Variants in ERMARD observed in about 807,000 individuals in gnomAD.
ERMARD encodes endoplasmic reticulum membrane-associated RNA degradation protein.
In ERMARD, 71 loss-of-function variants were observed where a neutral mutation model predicts 83.9. The ratio of observed to expected loss-of-function variants is 0.85; its 90% CI spans 0.70 to 1.03. ERMARD has a LOEUF of 1.03. Ranked by LOEUF, ERMARD falls within the 50% of genes least tolerant of loss-of-function variation. The probability of loss-of-function intolerance (pLI) is 0.00; values close to 1 mark genes in which losing one functional copy is unlikely to be tolerated. For missense variants in ERMARD, 838 were observed against 810.9 expected (o/e 1.03, Z -0.41); for synonymous variants, 284 against 298.6 (o/e 0.95, Z 0.50).
chr6:169,769,865 G>A, intron 12 of ERMARD, 152 bp downstream of exon 12: 1 of 642,784 alleles, frequency 1.6e-6, no homozygotes, highest in Non-Finnish European at 2.5e-6. Flanking sequence ...TGGATTACAT[G>A]TATGTTTATA....
At position 169,759,984 on chromosome 6, in the gene ERMARD, A is replaced by C; in HGVS notation, c.742+10A>C. ...TTGATTGTTTTTCCTGGTAAGTACT[A>C]TGTTTCACATTTTTCCTTATAGCTT... On this transcript the variant is annotated intron_variant, in intron 7 of 17. Transcript: ENST00000366773. 1 of 1,614,064 alleles carries C rather than the reference A, an allele frequency of 6.2e-7. No homozygotes were observed. Among genetic ancestry groups the C allele is most frequent in the Non-Finnish European group, 8.5e-7 (1 of 1,179,994 alleles).
chr6:169,753,975 C>G lies in ERMARD; in HGVS notation c.118C>G (p.Gln40Glu). ...TTGTGATATCAATAGCATTGTAACT[C>G]AGAATGGTGAAGTATGCTGGAAAAC... ...ENCDINSIVT[Q>E]NGEVCWKTIT... The change falls in exon 2 of 18, where the codon CAG becomes GAG. Residue 40 changes from glutamine to glutamate, a missense_variant. Coordinates refer to ENST00000366773, the MANE Select transcript of ERMARD (RefSeq NM_018341.3). 5.0e-6 allele frequency: 8 copies of G among 1,613,464 alleles called. No homozygotes were observed. The highest frequency in any genetic ancestry group is 6.8e-6 in the Non-Finnish European group (8 of 1,179,610).
chr6:169,760,686 A>C lies in ERMARD; in HGVS notation c.787A>C (p.Lys263Gln). The change falls in exon 8 of 18, where the codon AAA becomes CAA. Residue 263 changes from lysine to glutamine, a missense_variant. Coordinates refer to ENST00000366773, the MANE Select transcript of ERMARD (RefSeq NM_018341.3). ...VLSVLEEVMMKSAFILKIMLP... is the reference protein window; with the variant it reads ...VLSVLEEVMMQSAFILKIMLP... ...TTCAGTATTAGAAGAAGTGATGATG[A>C]AATCTGCTTTTATATTAAAAATCAT... 1.2e-6 allele frequency: 2 copies of C among 1,613,950 alleles called. No homozygotes were observed. The highest frequency in any genetic ancestry group is 1.7e-6 in the Non-Finnish European group (2 of 1,179,854).
Position 169,776,009 on chromosome 6 carries a change from C to A in ERMARD, c.1464C>A (p.His488Gln). The A allele has an allele frequency of 6.2e-7, 1 of 1,614,224 alleles. No homozygotes were observed. Among genetic ancestry groups the A allele is most frequent in the South Asian group, 1.1e-5 (1 of 91,078 alleles). Residue 488 changes from histidine (H) to glutamine (Q), a missense_variant, in exon 15 of 18, where the codon CAC (histidine) becomes CAA (glutamine). By Grantham distance (24) the His-to-Gln change is conservative. Transcript: ENST00000366773. Reference protein sequence around the residue: ...LITKMTDELYHHMPENRCVLK... With the variant: ...LITKMTDELYQHMPENRCVLK... ...CAAAAATGACGGATGAGCTGTATCA[C>A]CATATGCCTGAGAATCGTTGTGTGT...
intron 12 of ERMARD, chr6:169,771,649 G>A (rs950869500): frequency 2.6e-5 from 4 of 151,998 alleles, no homozygotes; most frequent in Non-Finnish European, 4.4e-5. Context: ...TCCCGTGTAC[G>A]CGGCACCTCC....
intron 17 of ERMARD, among the ~76,000 whole-genome samples, chr6:169,779,685 G>T (rs1562355986): frequency 6.6e-6 from 1 of 152,040 alleles, no homozygotes; most frequent in Non-Finnish European, 1.5e-5. Flanking sequence ...TAGAGATGAG[G>T]TCTCACTATG....
intron 5 of ERMARD, 34 bp downstream of exon 5, chr6:169,756,842 T>A (rs1790879077): frequency 6.3e-7 from 1 of 1,575,128 alleles, no homozygotes; most frequent in Admixed American, 1.7e-5. Context: ...TGGAGTATAT[T>A]AGTCCGTTTT....
chr6:169,766,338 A>G (rs1419537727), intron 9 of ERMARD, among the ~76,000 whole-genome samples: 2 of 152,242 alleles, frequency 1.3e-5, no homozygotes, highest in Non-Finnish European at 2.9e-5. Context: ...ATTCTGTTGT[A>G]TGAGCAGCGA....
In ERMARD at chr6:169,776,645, C is replaced by G. The variant is rs760835757; in HGVS notation, c.1711C>G (p.Arg571Gly). 5.0e-6 allele frequency: 8 copies of G among 1,614,014 alleles called. No individual in the cohort carries two copies. In the South Asian group the frequency reaches 8.8e-5, roughly 18 times the overall value. ...GGAAAGGACGCTGCGGTCTCGCCAG[C>G]GGCAGAACTACCTGCGTATGTGGAG... is the stretch of plus-strand genomic sequence containing the variant. ...WVERTLRSRQ[R>G]QNYLRMWSSI... Residue 571 changes from arginine (R) to glycine (G), a missense_variant, in exon 16 of 18, where the codon CGG becomes GGG. Arg to Gly is a moderately radical substitution (Grantham distance 125, BLOSUM62 -2). Transcript: ENST00000366773.
intron 8 of ERMARD, 120 bp from the exon 9 acceptor site, chr6:169,762,309 A>G (rs1791650066): frequency 1.1e-6 from 1 of 875,342 alleles, no homozygotes; most frequent in Non-Finnish European, 1.8e-6. Flanking sequence ...TCCTAGCCTC[A>G]AGCGATCCTC....
At chr6:169,772,231 G>T (rs540421807) in intron 12 of ERMARD, among the ~76,000 whole-genome samples, 2 of 152,292 alleles carry the variant, frequency 1.3e-5, no homozygotes, top group African/African-American at 4.8e-5. Flanking sequence ...GGAAGCCCTC[G>T]GATGGGTTCA....
Position 169,766,626 on chromosome 6 carries a change from C to G in ERMARD, c.961-12C>G. ...TTTAATTGTTTATTTTCATTTCTTT[C>G]CTTTTCTGAAGTCAACAGCTCTTTA... On this transcript the variant is annotated splice_polypyrimidine_tract_variant and intron_variant, in intron 9 of 17. Transcript: ENST00000366773. 6.4e-7 allele frequency: 1 copy of G among 1,569,278 alleles called. No individual in the cohort carries two copies. Among genetic ancestry groups the G allele is most frequent in the Non-Finnish European group, 8.6e-7 (1 of 1,165,586 alleles).
In ERMARD at chr6:169,776,634, G is replaced by A. The variant is rs148443367; in HGVS notation, c.1700G>A (p.Arg567Gln). ...RHRQWVERTLRSRQRQNYLRM... is the reference protein window; with the variant it reads ...RHRQWVERTLQSRQRQNYLRM... ...AGGCAGTGGGTGGAAAGGACGCTGC[G>A]GTCTCGCCAGCGGCAGAACTACCTG... Residue 567 changes from arginine to glutamine, a missense_variant, in exon 16 of 18, where the codon CGG becomes CAG. Arg to Gln is a conservative substitution (Grantham distance 43). Transcript: ENST00000366773. The A allele has an allele frequency of 9.2e-5, 148 of 1,613,992 alleles. No homozygotes were observed. Among genetic ancestry groups the A allele is most frequent in the Non-Finnish European group, 1.0e-4 (121 of 1,180,044 alleles).
chr6:169,765,309 T>G (rs1306091305), intron 9 of ERMARD, among the ~76,000 whole-genome samples: 1 of 152,252 alleles, frequency 6.6e-6, no homozygotes, highest in African/African-American at 2.4e-5. Context: ...CAGGATCAGT[T>G]TTTAAGGCAG....
rs778076123 is a variant in ERMARD at position 169,775,341 on chromosome 6, C to T, written c.1389C>T (p.Ala463=). Residue 463 remains alanine, a synonymous_variant, in exon 14 of 18, where the codon GCC becomes GCT. Coordinates refer to ENST00000366773, the MANE Select transcript of ERMARD (RefSeq NM_018341.3). ...TCCCCGAAGAACTCACTCGGCAAGC[C>T]GTCAGGTGCGTGGCATCCTGGGGCC... ...LPFPEELTRQ[A]VRLEDNSETN... is the part of the protein sequence containing the mutation. 2.1e-5 allele frequency: 34 copies of T among 1,613,956 alleles called. No individual in the cohort carries two copies. The highest frequency in any genetic ancestry group is 1.4e-4 in the South Asian group (13 of 91,076).
intron 7 of ERMARD, among the ~76,000 whole-genome samples, chr6:169,760,272 T>C (rs1381037559): frequency 2.0e-5 from 3 of 152,220 alleles, no homozygotes; most frequent in Non-Finnish European, 4.4e-5. Context: ...ATGATGTACA[T>C]TTTCTCCTCC....
chr6:169,751,558 C>G (rs1025109634), upstream of ERMARD: 2 of 1,609,878 alleles, frequency 1.2e-6, no homozygotes, highest in South Asian at 2.2e-5. Flanking sequence ...ACCTGCGCCT[C>G]GTACGGTAGG....
At chr6:169,776,966 A>G (rs979443937) in intron 16 of ERMARD, among the ~76,000 whole-genome samples, 9 of 152,200 alleles carry the variant, frequency 5.9e-5, no homozygotes, top group Admixed American at 2.6e-4. Context: ...TACACATTTT[A>G]GGGAGACATA....
At chr6:169,780,619 A>G (rs7756483) in intron 17 of ERMARD, among the ~76,000 whole-genome samples, 48,674 of 151,954 alleles carry the variant, frequency 0.32, 9,370 homozygotes, top group African/African-American at 0.54. Flanking sequence ...GGGGATGGAA[A>G]TTGGATGTGT....
Sources: gnomAD v4.1 joint callset for allele counts (sites outside exome capture counted in the v4.1 genomes callset) on GRCh38, gnomAD v4.1.1 for gene constraint, MANE v1.5 for transcripts, NCBI Gene and HGNC (gene_info 2026-07-23, HGNC 2026-07-21) for gene names.